Variants in USP7 observed in about 807,000 individuals in gnomAD.
USP7 encodes ubiquitin specific peptidase 7, also known as ubiquitin C-terminal hydrolase 7.
In USP7, 9 loss-of-function variants were observed where a neutral mutation model predicts 162.9. That is an observed-to-expected ratio of 0.06 (90% CI 0.03 to 0.10). The LOEUF (loss-of-function observed/expected upper bound fraction) is 0.10, where lower values mean the gene tolerates loss of function less well. USP7 is among the 10% of genes least tolerant of loss of function. USP7 has a pLI of 1.00. For missense variants in USP7, 715 were observed against 1,373.7 expected (o/e 0.52, Z 7.58); for synonymous variants, 562 against 475.9 (o/e 1.18, Z -2.35).
rs200907259 is a variant in USP7, at chr16:8,932,623, G to A, written c.80-2226C>T. On this transcript the variant is annotated intron_variant, in intron 1 of 30. Transcript: ENST00000344836. The stretch of plus-strand genomic sequence containing the variant: ...ATATACATGCTAAATTTAAAAAAGA[G>A]AAAGAAAAGAAAAATCAGGTACTCT... Among the ~76,000 whole-genome samples the A allele has an allele frequency of 2.4e-4, 6 of 25,472 alleles. No individual in the cohort carries two copies. The East Asian group carries it at 0.041, about 174-fold the overall frequency. 16.7% of individuals were successfully genotyped at this position (25,472 alleles called of 152,430 possible).
chr16:8,924,605 G>A (rs1490329806), intron 2 of USP7, among the ~76,000 whole-genome samples: 1 of 152,182 alleles, frequency 6.6e-6, no homozygotes, highest in Admixed American at 6.5e-5. Context: ...TCATCTTCAG[G>A]CCCCTGAAGG....
intron 1 of USP7, among the ~76,000 whole-genome samples, chr16:8,959,355 TCA>T (rs1899919050): frequency 1.2e-5 from 1 of 84,608 alleles, no homozygotes; most frequent in Non-Finnish European, 2.9e-5. Flanking sequence ...AAACACTAAT[TCA>T]AAAAAAAAAA....
Position 8,906,345 on chromosome 16 carries a change from G to A in USP7, c.1428+81C>T, listed in dbSNP as rs558699481. ...TTAGGGGTCCCTGACAAGGTTCCGA[G>A]TAGGAACCAGAACAGGCTGAAGCAG... On this transcript the variant is annotated intron_variant, in intron 13 of 30. Transcript: ENST00000344836. 10 of 1,494,542 alleles carry A rather than the reference G, an allele frequency of 6.7e-6. 1 individual carries two copies. The South Asian group carries it at 1.1e-4, about 16-fold the overall frequency. 92.6% of individuals were successfully genotyped at this position (1,494,542 alleles called of 1,614,324 possible).
intron 6 of USP7, among the ~76,000 whole-genome samples, chr16:8,918,830 T>C (rs567934463): frequency 2.0e-5 from 3 of 152,206 alleles, no homozygotes; most frequent in East Asian, 1.9e-4. Flanking sequence ...AGGTTGGCGG[T>C]GGTAACTCTG....
intron 1 of USP7, among the ~76,000 whole-genome samples, chr16:8,939,171 T>C (rs1275416219): frequency 6.6e-6 from 1 of 152,202 alleles, no homozygotes; most frequent in East Asian, 1.9e-4. Context: ...ACTGTGTAGA[T>C]TTGTGTGTCC....
chr16:8,908,313 C>CT (rs761823844), intron 12 of USP7, 28 bp downstream of exon 12: 20 of 1,577,104 alleles, frequency 1.3e-5, no homozygotes, highest in Non-Finnish European at 1.7e-5. Context: ...ATGATGAAAT[C>CT]TTAACTTTAT....
chr16:8,906,806 C>A (rs911547015), intron 12 of USP7, among the ~76,000 whole-genome samples: 2 of 152,066 alleles, frequency 1.3e-5, no homozygotes, highest in Non-Finnish European at 2.9e-5. Context: ...TGGAGGAATT[C>A]CAAATATATC....
At chr16:8,940,526 G>C (rs1007399399) in intron 1 of USP7, among the ~76,000 whole-genome samples, 1 of 152,194 alleles carries the variant, frequency 6.6e-6, no homozygotes, top group African/African-American at 2.4e-5. Flanking sequence ...GCAACCCAGG[G>C]CGGGAGGTGG....
chr16:8,929,322 G>A (rs971660265), intron 2 of USP7: 12 of 360,788 alleles, frequency 3.3e-5, no homozygotes, highest in Non-Finnish European at 6.0e-5. Flanking sequence ...GGTGGAAAGC[G>A]CACTCCACAG....
In USP7 at chr16:8,915,357, A is replaced by G. The variant is rs1352896814; in HGVS notation, c.988-13T>C. ...ACTGGATATAGGACTGCAAATAAGGAAAGTAAAAGTGGTTTAACTAGTAAT... is the reference window on the plus strand; with the variant it reads ...ACTGGATATAGGACTGCAAATAAGGGAAGTAAAAGTGGTTTAACTAGTAAT... On this transcript the variant is annotated splice_polypyrimidine_tract_variant and intron_variant, in intron 9 of 30. Transcript: ENST00000344836. 3 of 1,613,232 alleles carry G rather than the reference A, an allele frequency of 1.9e-6. No individual in the cohort carries two copies. The highest frequency in any genetic ancestry group is 1.7e-5 in the Admixed American group (1 of 59,832).
chr16:8,906,565 T>A lies in USP7; in HGVS notation c.1289A>T (p.Gln430Leu). ...KINDRFEFPE[Q>L]LPLDEFLQKT... ...TTGCAAAAATTCATCAAGTGGTAAC[T>A]GCTCTGGGAATTCAAACCTATTAGA... Residue 430 changes from glutamine (Q) to leucine (L), a missense_variant, in exon 13 of 31, where the codon CAG becomes CTG. By Grantham distance (113) the Gln-to-Leu change is moderately radical (BLOSUM62 -2). Coordinates refer to ENST00000344836, the MANE Select transcript of USP7 (RefSeq NM_003470.3). 1.2e-6 allele frequency: 2 copies of A among 1,612,238 alleles called. No homozygotes were observed. The highest frequency in any genetic ancestry group is 1.7e-6 in the Non-Finnish European group (2 of 1,179,636).
chr16:8,942,816 G>A (rs768871695), intron 1 of USP7, among the ~76,000 whole-genome samples: 4 of 152,144 alleles, frequency 2.6e-5, no homozygotes, highest in African/African-American at 4.8e-5. Flanking sequence ...CAAAAGTGTT[G>A]GGGTTACAGA....
At chr16:8,961,073 G>A (rs192551442) in intron 1 of USP7, among the ~76,000 whole-genome samples, 12 of 152,222 alleles carry the variant, frequency 7.9e-5, no homozygotes, top group African/African-American at 2.6e-4. Flanking sequence ...CTGTCCTAGG[G>A]GTTACCTTTC....
intron 1 of USP7, among the ~76,000 whole-genome samples, chr16:8,946,067 A>C (rs1169413460): frequency 6.6e-6 from 1 of 152,158 alleles, no homozygotes; most frequent in East Asian, 1.9e-4. Context: ...TCAACGGACA[A>C]AGACAGTCTC....
At chr16:8,903,686 G>A (rs893017055) in intron 15 of USP7, among the ~76,000 whole-genome samples, 26 of 152,132 alleles carry the variant, frequency 1.7e-4, no homozygotes, top group African/African-American at 5.3e-4. Flanking sequence ...TGACCAACAC[G>A]GAGAAACCCT....
At chr16:8,904,297 C>T in intron 15 of USP7, 138 bp downstream of exon 15, 1 of 1,450,252 alleles carries the variant, frequency 6.9e-7, no homozygotes, top group African/African-American at 1.4e-5. Context: ...GACTGACCTG[C>T]ACTTGCGTAC....
chr16:8,927,546 T>C (rs1383598075), intron 2 of USP7, among the ~76,000 whole-genome samples: 2 of 152,138 alleles, frequency 1.3e-5, no homozygotes, highest in African/African-American at 4.8e-5. Flanking sequence ...GAGGCCGTAT[T>C]TGCTCTAAAA....
At chr16:8,899,451 G>T in intron 22 of USP7, 153 bp downstream of exon 22, 1 of 1,020,722 alleles carries the variant, frequency 9.8e-7, no homozygotes, top group Non-Finnish European at 1.4e-6. Context: ...TAGCTCCCAA[G>T]GCAGAGAGCC....
chr16:8,920,677 G>T (rs545565635), intron 4 of USP7, among the ~76,000 whole-genome samples: 79 of 152,316 alleles, frequency 5.2e-4, no homozygotes, highest in African/African-American at 1.8e-3. Context: ...GTACCCAGGG[G>T]CTCAGTGCCA....
Sources: gnomAD v4.1 joint callset for allele counts (sites outside exome capture counted in the v4.1 genomes callset) on GRCh38, gnomAD v4.1.1 for gene constraint, MANE v1.5 for transcripts, NCBI Gene and HGNC (gene_info 2026-07-23, HGNC 2026-07-21) for gene names.